ERCC8: variants seen among roughly 807,000 people sequenced by gnomAD.
ERCC8 encodes the protein DNA excision repair protein ERCC-8.
A neutral mutation model predicts 54.9 loss-of-function variants in ERCC8; 52 were observed. The ratio of observed to expected loss-of-function variants is 0.95; its 90% CI spans 0.76 to 1.19. The LOEUF is 1.19. ERCC8 is among the 50% of genes most tolerant of loss of function. The probability of loss-of-function intolerance (pLI) is 0.00; values close to 1 mark genes in which losing one functional copy is unlikely to be tolerated. For synonymous variants in ERCC8, 146 were observed against 157.2 expected (o/e 0.93, Z 0.53); for missense variants, 514 against 466.1 (o/e 1.10, Z -0.95).
intron 1 of ERCC8, among the ~76,000 whole-genome samples, chr5:60,943,082 GAAA>G (rs1750311180): frequency 6.6e-6 from 1 of 152,044 alleles, no homozygotes; most frequent in Admixed American, 6.5e-5. Context: ...ACCAGAATGG[GAAA>G]CATAGGGAGA....
intron 9 of ERCC8, among the ~76,000 whole-genome samples, chr5:60,895,982 TTTTC>T: frequency 6.6e-6 from 1 of 152,192 alleles, no homozygotes; most frequent in South Asian, 2.1e-4. Flanking sequence ...TTAATATTTC[TTTTC>T]TTTTCTTTTC....
At chr5:60,913,129 T>C (rs775026284) in intron 4 of ERCC8, among the ~76,000 whole-genome samples, 5 of 152,064 alleles carry the variant, frequency 3.3e-5, no homozygotes, top group Admixed American at 6.6e-5. Context: ...GGAGGATTCC[T>C]TCTTTTTCTA....
intron 11 of ERCC8, among the ~76,000 whole-genome samples, chr5:60,877,753 A>G (rs1379042956): frequency 6.6e-6 from 1 of 152,224 alleles, no homozygotes; most frequent in Admixed American, 6.5e-5. Context: ...GTTGCTTATC[A>G]GCTTAAGGAG....
rs563558358 is a variant in ERCC8 at position 60,872,729 on chromosome 5, T to C, written c.*1886A>G. 6.6e-6 allele frequency among the ~76,000 whole-genome samples: 1 copy of C among 152,338 alleles called. No individual in the cohort carries two copies. Among genetic ancestry groups the C allele is most frequent in the South Asian group, 2.1e-4 (1 of 4,828 alleles). ...TATTCTTGGTAGGAATGTAAATTAG[T>C]ACAGCCATTATGGAAGACAGTATGG... On this transcript the variant is annotated 3_prime_UTR_variant, in exon 12 of 12. Transcript: ENST00000676185.
chr5:60,893,015 A>G, intron 9 of ERCC8: 2 of 780,780 alleles, frequency 2.6e-6, no homozygotes, highest in Non-Finnish European at 4.7e-6. Context: ...TGAAAGCCAC[A>G]GTTGGCAACT....
chr5:60,878,008 T>C (rs1336457713), intron 11 of ERCC8, among the ~76,000 whole-genome samples: 4 of 152,228 alleles, frequency 2.6e-5, no homozygotes, highest in African/African-American at 9.6e-5. Flanking sequence ...GGCTGTGGGT[T>C]TGTCATAGAT....
rs1561519025 is a variant in ERCC8, at chr5:60,938,072, TATATATATATATA to T, written c.77+6847_77+6859del. On this transcript the variant is annotated intron_variant, in intron 1 of 11. Transcript: ENST00000676185. ...ACATATATATATATATATATATATA[TATATATATATATA>T]TTTTATTTTTTTTTTTTTTAGGTTA... Among the ~76,000 whole-genome samples the T allele has an allele frequency of 1.1e-3, 42 of 36,796 alleles. 1 individual carries two copies. The highest frequency in any genetic ancestry group is 3.3e-3 in the African/African-American group (36 of 10,748). 24.1% of individuals were successfully genotyped at this position (36,796 alleles called of 152,430 possible).
intron 9 of ERCC8, among the ~76,000 whole-genome samples, chr5:60,897,103 G>A (rs933617817): frequency 2.0e-5 from 3 of 152,004 alleles, no homozygotes; most frequent in Non-Finnish European, 1.5e-5. Context: ...GGAAGTTCTC[G>A]CCTCAGGGTC....
rs1180417571 is a variant in ERCC8, at chr5:60,872,191, T to C, written c.*2424A>G. Among the ~76,000 whole-genome samples, 1 of 152,136 alleles carries C rather than the reference T, an allele frequency of 6.6e-6. No homozygotes were observed. Among genetic ancestry groups the C allele is most frequent in the Non-Finnish European group, 1.5e-5 (1 of 68,030 alleles). Reference sequence around the variant, plus strand: ...TGGCCTGGGCTTAATAAATCAATGATTTGAAACTATCAGAAGAAAACATGG... The same window carrying C: ...TGGCCTGGGCTTAATAAATCAATGACTTGAAACTATCAGAAGAAAACATGG... On this transcript the variant is annotated 3_prime_UTR_variant, in exon 12 of 12. Transcript: ENST00000676185.
In ERCC8 at chr5:60,887,433, T is replaced by C. The variant is rs751478627; in HGVS notation, c.1122+7A>G. Reference sequence around the variant, plus strand: ...GTCACTGTACCATTTGTGAAAATAATATTTACCTCATCATCATCAGGAACT... The same window carrying C: ...GTCACTGTACCATTTGTGAAAATAACATTTACCTCATCATCATCAGGAACT... On this transcript the variant is annotated splice_region_variant and intron_variant, in intron 11 of 11. Transcript: ENST00000676185. 1.2e-6 allele frequency: 2 copies of C among 1,601,708 alleles called. No homozygotes were observed.
chr5:60,921,577 C>T (rs756728786), intron 3 of ERCC8, among the ~76,000 whole-genome samples: 18 of 151,716 alleles, frequency 1.2e-4, no homozygotes, highest in Admixed American at 2.6e-4. Context: ...AGTAGAGAGA[C>T]AAGACAGGGG....
chr5:60,923,363 TCTAATA>T lies in ERCC8; in HGVS notation c.174-1214_174-1209del, dbSNP rs1457825399. Among the ~76,000 whole-genome samples the T allele has an allele frequency of 5.9e-5, 9 of 152,252 alleles. 1 individual carries two copies. In the South Asian group the frequency reaches 8.3e-4, roughly 14 times the overall value. On this transcript the variant is annotated intron_variant, in intron 2 of 11. Coordinates refer to ENST00000676185, the MANE Select transcript of ERCC8 (RefSeq NM_000082.4). ...AATCAGTTTCTTAACCATATTTGTC[TCTAATA>T]CTGTTACTGTGTTTTTTTAAATGGG... is the stretch of plus-strand genomic sequence containing the variant.
intron 1 of ERCC8, among the ~76,000 whole-genome samples, chr5:60,942,403 A>G (rs1750287369): frequency 6.6e-6 from 1 of 152,210 alleles, no homozygotes; most frequent in African/African-American, 2.4e-5. Context: ...AACAACTCAG[A>G]TGTCCATCGA....
chr5:60,920,457 A>G (rs1469353797), intron 3 of ERCC8, among the ~76,000 whole-genome samples: 1 of 151,878 alleles, frequency 6.6e-6, no homozygotes, highest in Non-Finnish European at 1.5e-5. Flanking sequence ...TGTTATTTTC[A>G]TTTATATTTA....
intron 10 of ERCC8, among the ~76,000 whole-genome samples, chr5:60,888,546 T>C (rs1748461960): frequency 6.6e-6 from 1 of 152,190 alleles, no homozygotes; most frequent in African/African-American, 2.4e-5. Flanking sequence ...CTGTAGATGT[T>C]CAAGAAAGAG....
At chr5:60,902,684 G>A (rs977387348) in intron 6 of ERCC8, among the ~76,000 whole-genome samples, 176 bp from the exon 7 acceptor site, 7 of 151,948 alleles carry the variant, frequency 4.6e-5, no homozygotes, top group Non-Finnish European at 1.0e-4. Context: ...AAGTTTACAG[G>A]GGTATTTCAA....
chr5:60,934,079 C>T (rs1444518100), intron 1 of ERCC8, among the ~76,000 whole-genome samples: 1 of 152,146 alleles, frequency 6.6e-6, no homozygotes, highest in Non-Finnish European at 1.5e-5. Context: ...ATAATGACTT[C>T]TCTTCTACTA....
At chr5:60,932,880 G>C (rs1459188987) in intron 1 of ERCC8, among the ~76,000 whole-genome samples, 1 of 152,170 alleles carries the variant, frequency 6.6e-6, no homozygotes, top group Non-Finnish European at 1.5e-5. Flanking sequence ...AAAAGGGAAA[G>C]AGAAGAGGGA....
chr5:60,925,099 T>A (rs905129670), intron 2 of ERCC8, among the ~76,000 whole-genome samples: 2 of 152,182 alleles, frequency 1.3e-5, no homozygotes, highest in African/African-American at 4.8e-5. Context: ...CTTAATCCTA[T>A]TCCTTTGCTC....
Sources: gnomAD v4.1 joint callset for allele counts (sites outside exome capture counted in the v4.1 genomes callset) on GRCh38, gnomAD v4.1.1 for gene constraint, MANE v1.5 for transcripts, NCBI Gene and HGNC (gene_info 2026-07-23, HGNC 2026-07-21) for gene names.